LRRC47: variants seen among roughly 807,000 people sequenced by gnomAD.
LRRC47 encodes leucine-rich repeat-containing protein 47.
A neutral mutation model predicts 40.9 loss-of-function variants in LRRC47; 31 were observed. The observed-to-expected ratio is 0.76, with a 90% confidence interval of 0.57 to 1.02. The LOEUF (loss-of-function observed/expected upper bound fraction) is 1.02. LRRC47 is among the 50% of genes least tolerant of loss of function. The pLI is 0.00. For missense variants in LRRC47, 726 were observed against 796.1 expected (o/e 0.91, Z 1.06); for synonymous variants, 427 against 371.9 (o/e 1.15, Z -1.70).
chr1:3,795,053 C>CAAAAAAAA lies in LRRC47; in HGVS notation c.615+801_615+808dup, dbSNP rs35186516. Among the ~76,000 whole-genome samples the CAAAAAAAA allele has an allele frequency of 1.1e-4, 7 of 61,600 alleles. 1 individual carries two copies. The highest frequency in any genetic ancestry group is 1.1e-3 in the East Asian group (2 of 1,748). 40.4% of individuals were successfully genotyped at this position (61,600 alleles called of 152,430 possible). On this transcript the variant is annotated intron_variant, in intron 1 of 6. Transcript: ENST00000378251. The stretch of plus-strand genomic sequence containing the variant: ...TGGGTGACAGGACCAGACTACATCT[C>CAAAAAAAA]AAAAAAAAAAAAAAAAAAAAGAAAT...
chr1:3,783,000 C>T lies in LRRC47; in HGVS notation c.1311-237G>A, dbSNP rs184621410. The T allele has an allele frequency of 1.9e-4, 106 of 561,872 alleles. 1 individual carries two copies. The East Asian group carries it at 3.1e-3, about 16-fold the overall frequency. 34.8% of individuals were successfully genotyped at this position (561,872 alleles called of 1,614,324 possible). A position where few individuals can be genotyped will look rare whatever the true frequency, so the allele number is the denominator to read the frequency against. ...GCTGCCTAAAGAGGAGTGAACCAGCCCAGGTCAGAAACAGAGCAGGACAAA... is the reference window on the plus strand; with the variant it reads ...GCTGCCTAAAGAGGAGTGAACCAGCTCAGGTCAGAAACAGAGCAGGACAAA... On this transcript the variant is annotated intron_variant, in intron 4 of 6. Transcript: ENST00000378251.
Position 3,785,095 on chromosome 1 carries a change from C to T in LRRC47, c.1186G>A (p.Asp396Asn). ...AAAGGAGGCTGCAGCACCTTGAGGT[C>T]CTGTGGGGGCCGGGCGCAGTACAGC... ...PLLYCARPPQ[D>N]LKIVPLGRKE... The change falls in exon 3 of 7, where the codon GAC becomes AAC. Residue 396 changes from aspartate (D) to asparagine (N), a missense_variant. By Grantham distance (23) the Asp-to-Asn change is conservative (BLOSUM62 1). Transcript: ENST00000378251. 1 of 1,597,286 alleles carries T rather than the reference C, an allele frequency of 6.3e-7. No homozygotes were observed.
At position 3,796,306 on chromosome 1, in the gene LRRC47, C is replaced by T. The variant is rs943407790; in HGVS notation, c.171G>A (p.Val57=). 1.3e-6 allele frequency: 2 copies of T among 1,489,168 alleles called. No homozygotes were observed. The highest frequency in any genetic ancestry group is 1.8e-6 in the Non-Finnish European group (2 of 1,127,952). 92.2% of individuals were successfully genotyped at this position (1,489,168 alleles called of 1,614,324 possible). A position where few individuals can be genotyped will look rare whatever the true frequency, so the allele number is the denominator to read the frequency against. The change falls in exon 1 of 7, where the codon GTG becomes GTA. Residue 57 remains valine, a synonymous_variant. Transcript: ENST00000378251. ...FTLPLLHYLE[V]SGCGSLRAPG... ...GCGCGCGCAAGCTCCCGCAGCCGCT[C>T]ACTTCCAAGTAGTGCAGCAGCGGCA...
intron 1 of LRRC47, among the ~76,000 whole-genome samples, chr1:3,789,171 G>A (rs1643604424): frequency 6.6e-6 from 1 of 152,248 alleles, no homozygotes; most frequent in Admixed American, 6.5e-5. Flanking sequence ...ACCAGGAACA[G>A]TGCGGCCGTG....
At chr1:3,783,649 G>A (rs115006838) in intron 4 of LRRC47, 722 of 224,634 alleles carry the variant, frequency 3.2e-3, no homozygotes, top group African/African-American at 0.015. Flanking sequence ...ACCCAACAGC[G>A]CACGGTATGG....
At chr1:3,792,719 A>G (rs1159648169) in intron 1 of LRRC47, among the ~76,000 whole-genome samples, 1 of 152,178 alleles carries the variant, frequency 6.6e-6, no homozygotes, top group Non-Finnish European at 1.5e-5. Context: ...TTGGCCTCCT[A>G]AAGTGCTGGG....
intron 1 of LRRC47, among the ~76,000 whole-genome samples, chr1:3,789,949 A>G (rs1486628084): frequency 6.6e-6 from 1 of 152,202 alleles, no homozygotes; most frequent in African/African-American, 2.4e-5. Flanking sequence ...GCGCGCCCGC[A>G]AGGATGTGAG....
Position 3,795,863 on chromosome 1 carries a change from T to G in LRRC47, c.614A>C (p.Lys205Thr). 1 of 1,582,412 alleles carries G rather than the reference T, an allele frequency of 6.3e-7. No homozygotes were observed. The highest frequency in any genetic ancestry group is 8.5e-7 in the Non-Finnish European group (1 of 1,170,408). Residue 205 changes from lysine (K) to threonine (T), a missense_variant and splice_region_variant, in exon 1 of 7, where the codon AAG becomes ACG. By Grantham distance (78) the Lys-to-Thr change is moderately conservative. Transcript: ENST00000378251. ...SPDIAHLASLKTLDLSNNQLS... is the reference protein window; with the variant it reads ...SPDIAHLASLTTLDLSNNQLS... ...CCCGCCCGGGCAGCCCCCGCTGACC[T>G]TGAGCGAGGCCAGGTGGGCGATGTC...
chr1:3,784,299 C>CG (rs959465126), intron 3 of LRRC47, 188 bp from the exon 4 acceptor site: 35 of 584,206 alleles, frequency 6.0e-5, no homozygotes, highest in Non-Finnish European at 9.5e-5. Context: ...TGCAGCGTCC[C>CG]GGGGAGACCT....
rs71634370 is a variant in LRRC47 at position 3,778,741 on chromosome 1, A to C, written c.*2347T>G. 6.6e-6 allele frequency: 1 copy of C among 152,358 alleles called. No individual in the cohort carries two copies. The highest frequency in any genetic ancestry group is 2.4e-5 in the African/African-American group (1 of 41,420). The allele number at this position is 152,358 out of a possible 1,614,324, so 9.4% of individuals were successfully genotyped here. On this transcript the variant is annotated 3_prime_UTR_variant, in exon 7 of 7. Transcript: ENST00000378251. ...CACGCAGTGACAGATGTGTTACAGC[A>C]TGGACACCAAGTCCCCGGGAGCCAA...
intron 5 of LRRC47, among the ~76,000 whole-genome samples, chr1:3,782,122 C>T (rs111667792): frequency 1.3e-4 from 20 of 152,278 alleles, no homozygotes; most frequent in African/African-American, 4.6e-4. Flanking sequence ...GCCAGGGGGC[C>T]CTTTGACCCC....
In LRRC47 at chr1:3,795,873, C is replaced by A; in HGVS notation, c.604G>T (p.Ala202Ser). 1 of 1,588,546 alleles carries A rather than the reference C, an allele frequency of 6.3e-7. No individual in the cohort carries two copies. Reference protein sequence around the residue: ...RELSPDIAHLASLKTLDLSNN... With the variant: ...RELSPDIAHLSSLKTLDLSNN... Reference sequence around the variant, plus strand: ...CAGCCCCCGCTGACCTTGAGCGAGGCCAGGTGGGCGATGTCGGGGCTGAGT... The same window carrying A: ...CAGCCCCCGCTGACCTTGAGCGAGGACAGGTGGGCGATGTCGGGGCTGAGT... The change falls in exon 1 of 7, where the codon GCC (alanine) becomes TCC (serine). Residue 202 changes from alanine (A) to serine (S), a missense_variant. Physicochemically the swap from Ala to Ser is moderately conservative, Grantham distance 99. Transcript: ENST00000378251.
Position 3,787,167 on chromosome 1 carries a change from G to A in LRRC47, c.759C>T (p.Ser253=), listed in dbSNP as rs765678878. 1.4e-5 allele frequency: 23 copies of A among 1,613,760 alleles called. No individual in the cohort carries two copies. The highest frequency in any genetic ancestry group is 2.7e-5 in the African/African-American group (2 of 74,934). ...EKMVSGCQTR[S]ILEYLRVGGR... is the part of the protein sequence containing the mutation. ...CTCCGACGCGCAGGTACTCCAGGAT[G>A]GATCTGGTCTGGCAGCCGCTGACCA... The change falls in exon 2 of 7, where the codon TCC becomes TCT. Residue 253 remains serine, a synonymous_variant. Transcript: ENST00000378251.
intron 1 of LRRC47, among the ~76,000 whole-genome samples, chr1:3,791,856 C>A (rs1474139450): frequency 1.3e-5 from 2 of 152,152 alleles, no homozygotes; most frequent in Non-Finnish European, 2.9e-5. Context: ...CAGGTTTAAG[C>A]GTTCACCCCA....
In LRRC47 at chr1:3,795,855, C is replaced by T; in HGVS notation, c.615+7G>A. The T allele has an allele frequency of 6.4e-7, 1 of 1,567,580 alleles. No homozygotes were observed. Among genetic ancestry groups the T allele is most frequent in the South Asian group, 1.2e-5 (1 of 86,644 alleles). On this transcript the variant is annotated splice_region_variant and intron_variant, in intron 1 of 6. Transcript: ENST00000378251. Reference sequence around the variant, plus strand: ...CATCCCGCCCCGCCCGGGCAGCCCCCGCTGACCTTGAGCGAGGCCAGGTGG... The same window carrying T: ...CATCCCGCCCCGCCCGGGCAGCCCCTGCTGACCTTGAGCGAGGCCAGGTGG...
In LRRC47 at chr1:3,796,236, C is replaced by T; in HGVS notation, c.241G>A (p.Val81Met). 6.9e-7 allele frequency: 1 copy of T among 1,442,162 alleles called. No homozygotes were observed. The highest frequency in any genetic ancestry group is 9.0e-7 in the Non-Finnish European group (1 of 1,107,326). 89.3% of individuals were successfully genotyped at this position (1,442,162 alleles called of 1,614,324 possible). Residue 81 changes from valine (V) to methionine (M), a missense_variant, in exon 1 of 7, where the codon GTG (valine) becomes ATG (methionine). By Grantham distance (21) the Val-to-Met change is conservative. Coordinates refer to ENST00000378251, the MANE Select transcript of LRRC47 (RefSeq NM_020710.3). Reference sequence around the variant, plus strand: ...GGCCCCAGCGCGTTGCGCCGCAGCACGAGGCTGTGCAGCTGCGGCAGGCCC... The same window carrying T: ...GGCCCCAGCGCGTTGCGCCGCAGCATGAGGCTGTGCAGCTGCGGCAGGCCC... ...AQGLPQLHSL[V>M]LRRNALGPGL...
chr1:3,788,769 C>G (rs993017861), intron 1 of LRRC47, among the ~76,000 whole-genome samples: 14 of 152,084 alleles, frequency 9.2e-5, no homozygotes, highest in Admixed American at 4.6e-4. Flanking sequence ...TCAGGGAGAA[C>G]AGAGACCCAG....
Position 3,786,806 on chromosome 1 carries a change from ACACCTCTGTCC to A in LRRC47, c.1077+32_1077+42del, listed in dbSNP as rs1247416328. 4 of 1,510,022 alleles carry A rather than the reference ACACCTCTGTCC, an allele frequency of 2.6e-6. No homozygotes were observed. The African/African-American group carries it at 5.5e-5, about 21-fold the overall frequency. 93.5% of individuals were successfully genotyped at this position (1,510,022 alleles called of 1,614,324 possible). A position where few individuals can be genotyped will look rare whatever the true frequency, so the allele number is the denominator to read the frequency against. ...GATGTGTCCCAGCTTGCGGCGTCTC[ACACCTCTGTCC>A]CAGTCATCTGAGGACCCCCACGGGC... On this transcript the variant is annotated intron_variant, in intron 2 of 6. Transcript: ENST00000378251.
rs867076977 is a variant in LRRC47, at chr1:3,787,647, G to A, written c.616-337C>T. 2.0e-5 allele frequency among the ~76,000 whole-genome samples: 3 copies of A among 152,342 alleles called. No homozygotes were observed. In the South Asian group the frequency reaches 6.2e-4, roughly 32 times the overall value. On this transcript the variant is annotated intron_variant, in intron 1 of 6. Transcript: ENST00000378251. ...AATCATCACGTTAGAGAACAGAAAG[G>A]TGACAAGAGACAGGGGATGTCTGGG...
Sources: gnomAD v4.1 joint callset for allele counts (sites outside exome capture counted in the v4.1 genomes callset) on GRCh38, gnomAD v4.1.1 for gene constraint, MANE v1.5 for transcripts, NCBI Gene and HGNC (gene_info 2026-07-23, HGNC 2026-07-21) for gene names.